The following LRIG1 variants were observed in gnomAD, a reference collection of about 807,000 sequenced individuals.
LRIG1 encodes leucine-rich repeats and immunoglobulin-like domains protein 1.
Under a neutral mutation model 99.2 loss-of-function variants are expected in LRIG1, and 48 were observed. That is an observed-to-expected ratio of 0.48 (90% CI 0.38 to 0.62). LRIG1 has a LOEUF of 0.62. Among genes scored for constraint, LRIG1 ranks in the 20% least tolerant of loss-of-function variants. LRIG1 has a pLI of 0.00. For synonymous variants in LRIG1, 772 were observed against 596.1 expected, an observed-to-expected ratio of 1.29 and a Z score of -4.30; for missense variants, 1,646 against 1,434.4, an observed-to-expected ratio of 1.15 and a Z score of -2.38.
chr3:66,429,267 C>T (rs1703078052), intron 3 of LRIG1, among the ~76,000 whole-genome samples: 1 of 152,196 alleles, frequency 6.6e-6, no homozygotes. Context: ...ACTGAAAGCC[C>T]CGGATCCCTG....
At chr3:66,453,682 A>G (rs1002955757) in intron 2 of LRIG1, among the ~76,000 whole-genome samples, 3 of 152,232 alleles carry the variant, frequency 2.0e-5, no homozygotes, top group Non-Finnish European at 4.4e-5. Flanking sequence ...TAGAGAGGAC[A>G]TGGCCAAGAC....
chr3:66,405,370 C>G, intron 8 of LRIG1, 92 bp from the exon 9 acceptor site: 2 of 1,034,904 alleles, frequency 1.9e-6, no homozygotes, highest in Admixed American at 3.6e-5. Flanking sequence ...AGCTGAAGTC[C>G]CCTGGGTGCA....
At chr3:66,477,830 T>G (rs552390116) in intron 1 of LRIG1, among the ~76,000 whole-genome samples, 2 of 137,424 alleles carry the variant, frequency 1.5e-5, no homozygotes, top group Admixed American at 7.6e-5. Flanking sequence ...TAATAAAGCC[T>G]TCTCCAGCAA....
chr3:66,412,827 G>A (rs4856924), intron 6 of LRIG1, 44 bp downstream of exon 6: 1,580,484 of 1,609,448 alleles, frequency 0.98, 777,517 homozygotes, highest in Non-Finnish European at 1. Flanking sequence ...ACACCACACC[G>A]CACAGCAATC....
At chr3:66,405,764 T>C (rs113034376) in intron 8 of LRIG1, 2 of 1,171,366 alleles carry the variant, frequency 1.7e-6, no homozygotes, top group African/African-American at 3.2e-5. Flanking sequence ...AGCCAGTGGG[T>C]CTGGAGCCCG....
At chr3:66,384,484 T>C (rs527749853) in intron 13 of LRIG1, among the ~76,000 whole-genome samples, 6 of 152,238 alleles carry the variant, frequency 3.9e-5, no homozygotes, top group Middle Eastern at 3.4e-3. Context: ...CAGCCTTGCA[T>C]TGTACACCCT....
rs1303233989 is a variant in LRIG1, at chr3:66,500,378, C to T, written c.30G>A (p.Gly10=). MARPVRGGL[G]APRRSPCLLL... ...GAAGGCAAGGCGAGCGGCGCGGGGC[C>T]CCGAGCCCTCCCCGGACCGGCCGCG... The change falls in exon 1 of 19, where the codon GGG becomes GGA. Residue 10 remains glycine, a synonymous_variant. Coordinates refer to ENST00000273261, the MANE Select transcript of LRIG1 (RefSeq NM_015541.3). 2 of 1,465,674 alleles carry T rather than the reference C, an allele frequency of 1.4e-6. No homozygotes were observed. The highest frequency in any genetic ancestry group is 1.5e-5 in the African/African-American group (1 of 68,912). 90.8% of individuals were successfully genotyped at this position (1,465,674 alleles called of 1,614,324 possible).
intron 14 of LRIG1, among the ~76,000 whole-genome samples, chr3:66,383,639 CTGTCCTG>C (rs1346249674): frequency 3.3e-5 from 5 of 152,156 alleles, no homozygotes; most frequent in African/African-American, 1.2e-4. Context: ...TATTCCCTAA[CTGTCCTG>C]TGTCAGGCCT....
chr3:66,478,673 G>A (rs1366640355), intron 1 of LRIG1, among the ~76,000 whole-genome samples: 1 of 152,044 alleles, frequency 6.6e-6, no homozygotes, highest in Admixed American at 6.6e-5. Context: ...TTGTCTATAG[G>A]CAGTTCAGCC....
intron 1 of LRIG1, among the ~76,000 whole-genome samples, chr3:66,497,315 T>C (rs1701249491): frequency 6.6e-6 from 1 of 152,220 alleles, no homozygotes; most frequent in African/African-American, 2.4e-5. Flanking sequence ...AGGTAAACTG[T>C]ATTTAATACT....
chr3:66,487,282 C>T (rs1182000233), intron 1 of LRIG1, among the ~76,000 whole-genome samples: 1 of 152,164 alleles, frequency 6.6e-6, no homozygotes, highest in Non-Finnish European at 1.5e-5. Flanking sequence ...TGCATTTAGC[C>T]GCTGGCTCCA....
In LRIG1 at chr3:66,500,641, C is replaced by A; in HGVS notation, c.-234G>T. ...CAAACCCCGCGCCCATCCGGGCCGG[C>A]CGGCCCGCCCGCGCTAGCTGCGAAC... On this transcript the variant is annotated 5_prime_UTR_variant, in exon 1 of 19. Coordinates refer to ENST00000273261, the MANE Select transcript of LRIG1 (RefSeq NM_015541.3). The A allele has an allele frequency of 3.2e-6, 1 of 311,444 alleles. No individual in the cohort carries two copies. The allele number at this position is 311,444 out of a possible 1,614,324, so 19.3% of individuals were successfully genotyped here. A position where few individuals can be genotyped will look rare whatever the true frequency, so the allele number is the denominator to read the frequency against.
Position 66,451,543 on chromosome 3 carries a change from A to T in LRIG1, c.365+16T>A. On this transcript the variant is annotated intron_variant, in intron 3 of 18. Coordinates refer to ENST00000273261, the MANE Select transcript of LRIG1 (RefSeq NM_015541.3). ...CCCACCACACAGCCCAGAGTCCCCC[A>T]AACGGCACCACTTACAGAAAGAGAG... 6.2e-7 allele frequency: 1 copy of T among 1,613,728 alleles called. No individual in the cohort carries two copies. Among genetic ancestry groups the T allele is most frequent in the Non-Finnish European group, 8.5e-7 (1 of 1,179,736 alleles).
At chr3:66,387,916 G>C (rs332365) in intron 12 of LRIG1, 1 of 145,184 alleles carries the variant, frequency 6.9e-6, no homozygotes, top group Non-Finnish European at 1.5e-5. Context: ...GCTAACATGG[G>C]GAAACCCTGT....
intron 2 of LRIG1, among the ~76,000 whole-genome samples, chr3:66,457,016 T>G (rs1172439971): frequency 6.6e-6 from 1 of 152,188 alleles, no homozygotes; most frequent in Non-Finnish European, 1.5e-5. Flanking sequence ...ACAAGCGTCC[T>G]CATGTCCTCC....
intron 8 of LRIG1, 136 bp from the exon 9 acceptor site, chr3:66,405,414 A>G (rs972739310): frequency 5.6e-6 from 4 of 710,948 alleles, no homozygotes; most frequent in Admixed American, 4.2e-5. Context: ...ACGTAGGGTG[A>G]AGAGACACGT....
intron 16 of LRIG1, among the ~76,000 whole-genome samples, chr3:66,382,065 G>A (rs1044245242): frequency 6.6e-6 from 1 of 152,200 alleles, no homozygotes; most frequent in African/African-American, 2.4e-5. Flanking sequence ...CCAATCCAGT[G>A]GCTTCCTGAG....
chr3:66,435,551 C>G (rs1380698895), intron 3 of LRIG1, among the ~76,000 whole-genome samples: 1 of 152,164 alleles, frequency 6.6e-6, no homozygotes, highest in Non-Finnish European at 1.5e-5. Flanking sequence ...TGCACTCTAG[C>G]CTGGATGGCA....
At chr3:66,385,767 A>T (rs543814565) in intron 13 of LRIG1, among the ~76,000 whole-genome samples, 3 of 152,338 alleles carry the variant, frequency 2.0e-5, no homozygotes, top group African/African-American at 7.2e-5. Context: ...CTAGATTTTT[A>T]AAACTCACCA....
Sources: gnomAD v4.1 joint callset for allele counts (sites outside exome capture counted in the v4.1 genomes callset) on GRCh38, gnomAD v4.1.1 for gene constraint, MANE v1.5 for transcripts, NCBI Gene and HGNC (gene_info 2026-07-23, HGNC 2026-07-21) for gene names.